Variants in CAMKK2 observed in about 807,000 individuals in gnomAD.
The protein encoded by CAMKK2 is calcium/calmodulin dependent protein kinase kinase 2.
A neutral mutation model predicts 67.2 loss-of-function variants in CAMKK2; 30 were observed. The observed-to-expected ratio is 0.45, with a 90% confidence interval of 0.33 to 0.61. The LOEUF (loss-of-function observed/expected upper bound fraction) is 0.61. CAMKK2 is among the 20% of genes least tolerant of loss of function. CAMKK2 has a pLI of 0.02. For missense variants in CAMKK2, 643 were observed against 802.0 expected (o/e 0.80, Z 2.39); for synonymous variants, 322 against 326.2 (o/e 0.99, Z 0.14).
chr12:121,243,791 G>A (rs553071429), intron 16 of CAMKK2: 3 of 973,650 alleles, frequency 3.1e-6, no homozygotes, highest in Non-Finnish European at 3.9e-6. Flanking sequence ...ACTTCCCGTG[G>A]GTGAATTACA....
intron 5 of CAMKK2, among the ~76,000 whole-genome samples, chr12:121,265,097 C>T (rs950415591): frequency 1.3e-5 from 2 of 152,128 alleles, no homozygotes; most frequent in African/African-American, 2.4e-5. Context: ...CTCAGGCCAC[C>T]GCTTGATCCT....
intron 15 of CAMKK2, 147 bp from the exon 16 acceptor site, chr12:121,244,762 G>T: frequency 1.5e-6 from 1 of 658,514 alleles, no homozygotes; most frequent in Non-Finnish European, 2.7e-6. Flanking sequence ...CAGATGAGTG[G>T]ACACCTCTCT....
Position 121,256,114 on chromosome 12 carries a change from C to T in CAMKK2, c.797-310G>A, listed in dbSNP as rs548724015. Among the ~76,000 whole-genome samples the T allele has an allele frequency of 5.3e-5, 8 of 152,310 alleles. No homozygotes were observed. In the South Asian group the frequency reaches 6.2e-4, roughly 12 times the overall value. Reference sequence around the variant, plus strand: ...GCAGGGGGCTGGGCACGGTGGCTCACGCCAGTGTAATCCCAACACTCTGGG... The same window carrying T: ...GCAGGGGGCTGGGCACGGTGGCTCATGCCAGTGTAATCCCAACACTCTGGG... On this transcript the variant is annotated intron_variant, in intron 7 of 16. Coordinates refer to ENST00000404169, the MANE Select transcript of CAMKK2 (RefSeq NM_001270485.2).
chr12:121,244,230 G>T (rs908077361), intron 16 of CAMKK2: 11 of 1,309,930 alleles, frequency 8.4e-6, no homozygotes, highest in Non-Finnish European at 1.2e-5. Flanking sequence ...GCGGACTCGG[G>T]GGGGCACCCA....
chr12:121,240,871 T>C lies in CAMKK2; in HGVS notation c.1597-2A>G. The stretch of plus-strand genomic sequence containing the variant: ...AGGTTGTCTTCGCTGCCTTGCTTCC[T>C]GCTCACCGAACAGAAAACCAACATT... On this transcript the variant is annotated splice_acceptor_variant, in intron 16 of 16. Coordinates refer to ENST00000404169, the MANE Select transcript of CAMKK2 (RefSeq NM_001270485.2). LOFTEE classifies it high-confidence loss of function. The surrounding 1 kb of genome is among the most constrained non-coding windows in gnomAD (Gnocchi z 4.4). The C allele has an allele frequency of 6.2e-7, 1 of 1,612,258 alleles. No individual in the cohort carries two copies. Among genetic ancestry groups the C allele is most frequent in the Non-Finnish European group, 8.5e-7 (1 of 1,179,864 alleles).
chr12:121,293,425 GGAA>G lies in CAMKK2; in HGVS notation c.-60+3210_-60+3212del, dbSNP rs201159818. On this transcript the variant is annotated intron_variant, in intron 1 of 16. Transcript: ENST00000404169. ...CACCAGAAGAAAGTATGCTGGGGCGGGAAGAAGATCACAGGTGACCCTGAGCAA... is the reference window on the plus strand; with the variant it reads ...CACCAGAAGAAAGTATGCTGGGGCGGGAAGATCACAGGTGACCCTGAGCAA... Among the ~76,000 whole-genome samples, 1,512 of 152,282 alleles carry G rather than the reference GGAA, an allele frequency of 9.9e-3. 11 individuals are homozygous for G. The highest frequency in any genetic ancestry group is 0.016 in the Non-Finnish European group (1,079 of 68,012).
At chr12:121,266,115 A>G (rs1255638544) in intron 5 of CAMKK2, among the ~76,000 whole-genome samples, 1 of 152,088 alleles carries the variant, frequency 6.6e-6, no homozygotes, top group African/African-American at 2.4e-5. Context: ...AATTTTTGGT[A>G]GAGACAGGGG....
chr12:121,282,999 C>T (rs928663510), intron 1 of CAMKK2, among the ~76,000 whole-genome samples: 1 of 152,178 alleles, frequency 6.6e-6, no homozygotes, highest in African/African-American at 2.4e-5. Flanking sequence ...AGATGATCCA[C>T]CCGCCTCAGC....
intron 1 of CAMKK2, among the ~76,000 whole-genome samples, chr12:121,275,899 C>A (rs571000661): frequency 6.6e-6 from 1 of 152,150 alleles, no homozygotes; most frequent in Non-Finnish European, 1.5e-5. Context: ...CGGCAGCTCA[C>A]GCCTGTAATC....
Position 121,240,651 on chromosome 12 carries a change from C to G in CAMKK2, c.*48G>C, listed in dbSNP as rs1272736238. ...TGCTATGGAAACGCGGTGCAGCAGCCCCCCAGAGGCGACGCGGCGCGCATG... is the reference window on the plus strand; with the variant it reads ...TGCTATGGAAACGCGGTGCAGCAGCGCCCCAGAGGCGACGCGGCGCGCATG... On this transcript the variant is annotated 3_prime_UTR_variant, in exon 17 of 17. Transcript: ENST00000404169. This position sits in a 1 kb window ranked among gnomAD's most constrained non-coding sequence, Gnocchi z 4.4. 1.9e-6 allele frequency: 3 copies of G among 1,545,640 alleles called. No homozygotes were observed. Among genetic ancestry groups the G allele is most frequent in the Non-Finnish European group, 2.6e-6 (3 of 1,151,608 alleles).
chr12:121,266,499 G>GTTTTT (rs144456553), intron 5 of CAMKK2, among the ~76,000 whole-genome samples: 1 of 142,786 alleles, frequency 7.0e-6, no homozygotes. Context: ...GTTAGGATGG[G>GTTTTT]TTTTTTTTTT....
chr12:121,266,502 T>TG (rs1894560626), intron 5 of CAMKK2, among the ~76,000 whole-genome samples: 1 of 150,784 alleles, frequency 6.6e-6, no homozygotes, highest in Non-Finnish European at 1.5e-5. Context: ...AGGATGGGTT[T>TG]TTTTTTTTTT....
intron 14 of CAMKK2, among the ~76,000 whole-genome samples, chr12:121,246,317 A>C (rs1274385664): frequency 6.6e-6 from 1 of 151,868 alleles, no homozygotes; most frequent in Non-Finnish European, 1.5e-5. Context: ...AGGCTGAGGC[A>C]GGTGGATCAC....
At chr12:121,280,083 C>T (rs905010726) in intron 1 of CAMKK2, among the ~76,000 whole-genome samples, 8 of 152,230 alleles carry the variant, frequency 5.3e-5, no homozygotes, top group African/African-American at 1.2e-4. Context: ...ATGTCCTGCC[C>T]GGGACATCAA....
At chr12:121,280,365 TGAG>T (rs1468632345) in intron 1 of CAMKK2, among the ~76,000 whole-genome samples, 9 of 152,198 alleles carry the variant, frequency 5.9e-5, no homozygotes, top group African/African-American at 1.9e-4. Flanking sequence ...TCCTGTCAGT[TGAG>T]GAGGATGTAT....
At chr12:121,277,081 C>G (rs1039460117) in intron 1 of CAMKK2, among the ~76,000 whole-genome samples, 1 of 152,116 alleles carries the variant, frequency 6.6e-6, no homozygotes, top group Non-Finnish European at 1.5e-5. Context: ...GAAAATGGCC[C>G]TCAGCGCTCT....
chr12:121,248,212 G>A (rs1225697062), intron 14 of CAMKK2, among the ~76,000 whole-genome samples: 1 of 152,180 alleles, frequency 6.6e-6, no homozygotes, highest in East Asian at 1.9e-4. Flanking sequence ...CCTGGTGGCT[G>A]CCCACACAGC....
intron 1 of CAMKK2, among the ~76,000 whole-genome samples, chr12:121,287,686 G>A (rs1899030712): frequency 1.3e-5 from 2 of 152,206 alleles, no homozygotes; most frequent in Non-Finnish European, 2.9e-5. Context: ...CCAGCTGTGG[G>A]CCAGGTACAG....
chr12:121,255,655 C>T lies in CAMKK2; in HGVS notation c.819-17G>A. 6.2e-7 allele frequency: 1 copy of T among 1,611,714 alleles called. No individual in the cohort carries two copies. Among genetic ancestry groups the T allele is most frequent in the Middle Eastern group, 1.7e-4 (1 of 6,060 alleles). On this transcript the variant is annotated splice_polypyrimidine_tract_variant and intron_variant, in intron 8 of 16. Coordinates refer to ENST00000404169, the MANE Select transcript of CAMKK2 (RefSeq NM_001270485.2). Reference sequence around the variant, plus strand: ...ATCACGGGCCTGAAAGGTCGACACTCATGTGAAACACAAAGCAGACCCGCC... The same window carrying T: ...ATCACGGGCCTGAAAGGTCGACACTTATGTGAAACACAAAGCAGACCCGCC...
Sources: gnomAD v4.1 joint callset for allele counts (sites outside exome capture counted in the v4.1 genomes callset) on GRCh38, gnomAD v4.1.1 for gene constraint, Gnocchi (gnomAD v3.1) non-coding constraint, MANE v1.5 for transcripts, NCBI Gene and HGNC (gene_info 2026-07-23, HGNC 2026-07-21) for gene names.